SGCD: variants seen among roughly 807,000 people sequenced by gnomAD.
SGCD encodes the protein sarcoglycan delta.
In SGCD, 18 loss-of-function variants were observed where a neutral mutation model predicts 36.6. That is an observed-to-expected ratio of 0.49 (90% CI 0.34 to 0.73). SGCD has a LOEUF of 0.73. Ranked by LOEUF, SGCD falls within the 30% of genes least tolerant of loss-of-function variation. The pLI is 0.01. For missense variants in SGCD, 387 were observed against 346.7 expected (o/e 1.12, Z -0.92); for synonymous variants, 133 against 130.6 (o/e 1.02, Z -0.12).
intron 3 of SGCD, among the ~76,000 whole-genome samples, chr5:156,350,840 A>G (rs1365551607): frequency 6.6e-6 from 1 of 152,156 alleles, no homozygotes; most frequent in African/African-American, 2.4e-5. Flanking sequence ...TCATAACTCT[A>G]CAAATTTAAT....
At chr5:155,763,962 T>A in the SGCD span, among the ~76,000 whole-genome samples, 2 of 152,160 alleles carry the variant, frequency 1.3e-5, no homozygotes, top group Admixed American at 1.3e-4. Context: ...GTAGAATTAT[T>A]TGGAAAGAGA....
intron 4 of SGCD, among the ~76,000 whole-genome samples, chr5:156,526,111 G>T (rs892745693): frequency 1.3e-5 from 2 of 152,142 alleles, no homozygotes; most frequent in African/African-American, 4.8e-5. Context: ...GGAGTCTGAA[G>T]TATGGCCCTT....
chr5:156,466,042 C>A (rs541736634), intron 3 of SGCD, among the ~76,000 whole-genome samples: 28 of 152,324 alleles, frequency 1.8e-4, no homozygotes, highest in South Asian at 6.2e-4. Flanking sequence ...TCAAATCTCT[C>A]ATTTCTGTGC....
At chr5:155,843,473 A>G in the SGCD span, among the ~76,000 whole-genome samples, 1 of 152,218 alleles carries the variant, frequency 6.6e-6, no homozygotes, top group South Asian at 2.1e-4. Context: ...TATATCTTCC[A>G]AATTATGCAT....
intron 3 of SGCD, among the ~76,000 whole-genome samples, chr5:156,431,393 C>A (rs985288772): frequency 6.6e-6 from 1 of 152,148 alleles, no homozygotes; most frequent in Non-Finnish European, 1.5e-5. Context: ...GTAGGTGCAT[C>A]CATGCTGCAT....
chr5:156,480,774 T>C (rs1348780354), intron 3 of SGCD, among the ~76,000 whole-genome samples: 1 of 152,246 alleles, frequency 6.6e-6, no homozygotes, highest in Non-Finnish European at 1.5e-5. Context: ...TGTTCTTTTT[T>C]AATTTCTCTA....
chr5:156,427,157 G>C (rs1291426391), intron 3 of SGCD, among the ~76,000 whole-genome samples: 2 of 152,032 alleles, frequency 1.3e-5, no homozygotes, highest in Non-Finnish European at 2.9e-5. Flanking sequence ...TCTCAGTATT[G>C]ATTCTACCCA....
the SGCD span, among the ~76,000 whole-genome samples, chr5:155,759,876 G>C: frequency 6.6e-6 from 1 of 152,104 alleles, no homozygotes; most frequent in Non-Finnish European, 1.5e-5. Flanking sequence ...AACAGCTTCT[G>C]AGCCATTAGC....
chr5:155,820,866 A>C, the SGCD span, among the ~76,000 whole-genome samples: 1 of 152,108 alleles, frequency 6.6e-6, no homozygotes, highest in Admixed American at 6.6e-5. Context: ...AGTCAAGATC[A>C]CAGCTTTTGA....
At chr5:155,999,546 G>T (rs1262805817) in intron 1 of SGCD, among the ~76,000 whole-genome samples, 1 of 152,158 alleles carries the variant, frequency 6.6e-6, no homozygotes, top group Admixed American at 6.5e-5. Context: ...CCTGAGTGAG[G>T]ATATAATGAT....
At chr5:156,649,808 A>G (rs964446027) in intron 7 of SGCD, among the ~76,000 whole-genome samples, 2 of 152,108 alleles carry the variant, frequency 1.3e-5, no homozygotes, top group Non-Finnish European at 2.9e-5. Context: ...ACATGTATAC[A>G]TATGTAACAA....
In SGCD at chr5:156,694,511, A is replaced by G. The variant is rs576075993; in HGVS notation, c.575+46975A>G. On this transcript the variant is annotated intron_variant, in intron 7 of 8. Coordinates refer to ENST00000337851, the MANE Select transcript of SGCD (RefSeq NM_000337.6). ...CTTTTCACACTAACCCTGTCAGAGA[A>G]ATAGAGCAGAAATTGCACCCACTGT... Among the ~76,000 whole-genome samples the G allele has an allele frequency of 3.9e-5, 6 of 152,330 alleles. No individual in the cohort carries two copies. The East Asian group carries it at 9.6e-4, about 24-fold the overall frequency.
At chr5:156,416,199 A>T (rs1311638853) in intron 3 of SGCD, among the ~76,000 whole-genome samples, 1 of 152,214 alleles carries the variant, frequency 6.6e-6, no homozygotes, top group Non-Finnish European at 1.5e-5. Context: ...AAAAGGAATA[A>T]AATAATGGCA....
At chr5:156,288,149 GAA>G (rs1348114920) in intron 3 of SGCD, among the ~76,000 whole-genome samples, 1 of 152,146 alleles carries the variant, frequency 6.6e-6, no homozygotes, top group East Asian at 1.9e-4. Context: ...TTTCATGTCA[GAA>G]AATAGTTTGG....
the SGCD span, among the ~76,000 whole-genome samples, chr5:155,784,355 T>C: frequency 6.6e-6 from 1 of 152,100 alleles, no homozygotes. Context: ...TGTTGAAGCA[T>C]AGAGGATTTC....
intron 1 of SGCD, among the ~76,000 whole-genome samples, chr5:156,086,390 C>T (rs973014728): frequency 6.6e-6 from 1 of 152,142 alleles, no homozygotes; most frequent in Non-Finnish European, 1.5e-5. Flanking sequence ...TGACTTATTG[C>T]AGAGCTAGCA....
chr5:155,748,390 C>T, the SGCD span, among the ~76,000 whole-genome samples: 20 of 152,192 alleles, frequency 1.3e-4, 1 homozygote, highest in African/African-American at 4.8e-4. Context: ...CTTGTACTCT[C>T]CTTCAGTGAT....
At chr5:155,754,604 G>A in the SGCD span, among the ~76,000 whole-genome samples, 5 of 152,330 alleles carry the variant, frequency 3.3e-5, no homozygotes, top group Admixed American at 2.6e-4. Context: ...TTGCACTGGT[G>A]TGCAGCAATA....
intron 1 of SGCD, among the ~76,000 whole-genome samples, chr5:156,008,487 C>T (rs369375670): frequency 7.9e-5 from 12 of 152,106 alleles, no homozygotes; most frequent in Non-Finnish European, 1.8e-4. Context: ...GTGATCCTGC[C>T]TCCTTAGCCT....
Sources: allele counts gnomAD v4.1 joint callset (sites outside exome capture counted in the v4.1 genomes callset), GRCh38; gene constraint gnomAD v4.1.1; transcripts MANE v1.5; gene names NCBI Gene and HGNC (gene_info 2026-07-23, HGNC 2026-07-21).